The following RGS6 variants were observed in gnomAD, a reference collection of about 807,000 sequenced individuals.
RGS6 encodes the protein regulator of G protein signaling 6.
A neutral mutation model predicts 78.5 loss-of-function variants in RGS6; 30 were observed. That is an observed-to-expected ratio of 0.38 (90% CI 0.29 to 0.52). The LOEUF (loss-of-function observed/expected upper bound fraction) is 0.52, where lower values mean the gene tolerates loss of function less well. Ranked by LOEUF, RGS6 falls within the 20% of genes least tolerant of loss-of-function variation. RGS6 has a pLI of 0.85. For missense variants in RGS6, 495 were observed against 609.7 expected (o/e 0.81, Z 1.98); for synonymous variants, 206 against 206.0 (o/e 1.00, Z 0.00).
chr14:72,116,413 T>C (rs1276216586), intron 2 of RGS6, among the ~76,000 whole-genome samples: 1 of 151,950 alleles, frequency 6.6e-6, no homozygotes, highest in Admixed American at 6.6e-5. Flanking sequence ...GCATTTTCTG[T>C]TGGGTAATTC....
At chr14:72,238,507 G>A (rs142232590) in intron 2 of RGS6, among the ~76,000 whole-genome samples, 18 of 152,206 alleles carry the variant, frequency 1.2e-4, no homozygotes, top group Non-Finnish European at 2.5e-4. Context: ...CCACAGTTAC[G>A]GTCTTTGAGA....
In RGS6 at chr14:72,267,996, T is replaced by C. The variant is rs143068489; in HGVS notation, c.85-84099T>C. Among the ~76,000 whole-genome samples, 464 of 152,332 alleles carry C rather than the reference T, an allele frequency of 3.0e-3. 1 individual carries two copies. The highest frequency in any genetic ancestry group is 0.011 in the African/African-American group (448 of 41,578). ...TCACACACTCGTGTGGGTACATGCA[T>C]TTCCCTAGAAGATGTACTGGAAGGA... is the stretch of plus-strand genomic sequence containing the variant. On this transcript the variant is annotated intron_variant, in intron 2 of 17. Transcript: ENST00000553525.
At chr14:72,533,917 A>T (rs1161413625) in intron 15 of RGS6, among the ~76,000 whole-genome samples, 1 of 152,238 alleles carries the variant, frequency 6.6e-6, no homozygotes, top group Non-Finnish European at 1.5e-5. Context: ...TGTTGAGATG[A>T]CACAAAGAAT....
At chr14:71,897,683 G>A in the RGS6 span, among the ~76,000 whole-genome samples, 1 of 151,514 alleles carries the variant, frequency 6.6e-6, no homozygotes, top group African/African-American at 2.4e-5. Flanking sequence ...ACCACGCCCA[G>A]CTAATTTTTA....
chr14:71,960,399 T>G (rs2093104504), intron 1 of RGS6, among the ~76,000 whole-genome samples: 1 of 152,218 alleles, frequency 6.6e-6, no homozygotes, highest in Non-Finnish European at 1.5e-5. Context: ...ATCAAGAGTC[T>G]TCTTTATTGG....
At chr14:72,522,481 T>C (rs923215017) in intron 15 of RGS6, among the ~76,000 whole-genome samples, 6 of 152,160 alleles carry the variant, frequency 3.9e-5, no homozygotes, top group African/African-American at 1.4e-4. Flanking sequence ...ACTATACTTT[T>C]CCTAAAAAGA....
intron 2 of RGS6, among the ~76,000 whole-genome samples, chr14:72,155,496 T>G (rs2096757800): frequency 6.6e-6 from 1 of 152,210 alleles, no homozygotes; most frequent in Non-Finnish European, 1.5e-5. Flanking sequence ...ACGTGGTTAC[T>G]CAATGCAATT....
intron 2 of RGS6, among the ~76,000 whole-genome samples, chr14:72,043,949 C>T (rs1007566111): frequency 3.9e-5 from 6 of 152,190 alleles, no homozygotes; most frequent in South Asian, 2.1e-4. Flanking sequence ...TTCCTTGTTC[C>T]GCTTCTCCTC....
chr14:72,618,956 G>A, the RGS6 span, among the ~76,000 whole-genome samples: 1 of 152,232 alleles, frequency 6.6e-6, no homozygotes, highest in Non-Finnish European at 1.5e-5. Context: ...TAATGGATGA[G>A]TGGTCAGGAA....
chr14:72,488,504 A>G (rs1382274834), intron 12 of RGS6, among the ~76,000 whole-genome samples: 1 of 152,196 alleles, frequency 6.6e-6, no homozygotes, highest in Admixed American at 6.5e-5. Context: ...CTCTAATGAT[A>G]TTCCAGGATT....
chr14:72,016,825 T>C (rs2087106521), intron 2 of RGS6, among the ~76,000 whole-genome samples: 1 of 152,222 alleles, frequency 6.6e-6, no homozygotes, highest in African/African-American at 2.4e-5. Flanking sequence ...TTTAGGAATG[T>C]GGAAGCCCTA....
chr14:72,463,820 A>G (rs971413791), intron 6 of RGS6, among the ~76,000 whole-genome samples: 30 of 152,306 alleles, frequency 2.0e-4, no homozygotes, highest in East Asian at 1.9e-4. Context: ...AAGAGACTGA[A>G]GGAGGTACTT....
At chr14:72,352,039 C>T in intron 2 of RGS6, 56 bp from the exon 3 acceptor site, 1 of 1,332,470 alleles carries the variant, frequency 7.5e-7, no homozygotes. Context: ...AAAAAGGTAC[C>T]ATTTATAATT....
chr14:72,612,784 C>T, the RGS6 span, among the ~76,000 whole-genome samples: 39 of 152,176 alleles, frequency 2.6e-4, no homozygotes, highest in Admixed American at 2.2e-3. Flanking sequence ...CATAGGTGAA[C>T]GAAGGGAAGA....
At chr14:72,479,307 T>A (rs1015275018) in intron 12 of RGS6, among the ~76,000 whole-genome samples, 2 of 152,200 alleles carry the variant, frequency 1.3e-5, no homozygotes, top group African/African-American at 2.4e-5. Context: ...GCTAAGGACA[T>A]CCCTGGACTT....
chr14:72,365,681 C>T lies in RGS6; in HGVS notation c.184+13487C>T, dbSNP rs536066485. On this transcript the variant is annotated intron_variant, in intron 3 of 17. Coordinates refer to ENST00000553525, the MANE Select transcript of RGS6 (RefSeq NM_001204424.2). ...CTCATCAAATGTTTCTCTTCTTTGT[C>T]TTTCTGGCTTTCATATGTGTGATCT... Among the ~76,000 whole-genome samples the T allele has an allele frequency of 3.9e-5, 6 of 152,248 alleles. No individual in the cohort carries two copies. In the South Asian group the frequency reaches 1.2e-3, roughly 32 times the overall value.
chr14:72,194,006 G>A (rs550787269), intron 2 of RGS6, among the ~76,000 whole-genome samples: 46 of 152,248 alleles, frequency 3.0e-4, no homozygotes, highest in African/African-American at 1.0e-3. Context: ...CATTCTGACC[G>A]TCATGTGCAA....
At chr14:72,321,824 A>G (rs1567749345) in intron 2 of RGS6, among the ~76,000 whole-genome samples, 1 of 152,040 alleles carries the variant, frequency 6.6e-6, no homozygotes, top group South Asian at 2.1e-4. Context: ...AAAGTTACAT[A>G]TATCAATCTA....
chr14:72,401,574 T>C (rs1455038476), intron 3 of RGS6, among the ~76,000 whole-genome samples: 1 of 151,758 alleles, frequency 6.6e-6, no homozygotes, highest in African/African-American at 2.4e-5. Flanking sequence ...CCCAGGTCCC[T>C]TTCAAAGTTG....
Sources: allele counts gnomAD v4.1 joint callset (sites outside exome capture counted in the v4.1 genomes callset), GRCh38; gene constraint gnomAD v4.1.1; transcripts MANE v1.5; gene names NCBI Gene and HGNC (gene_info 2026-07-23, HGNC 2026-07-21).